Variants in ERC2 observed in about 807,000 individuals in gnomAD.
The protein encoded by ERC2 is ELKS/RAB6-interacting/CAST family member 2.
ERC2 carries 42 observed loss-of-function variants against 114.8 expected under a neutral mutation model. That is an observed-to-expected ratio of 0.37 (90% CI 0.29 to 0.47). The LOEUF is 0.47. ERC2 is among the 20% of genes least tolerant of loss of function. ERC2 has a pLI of 0.99. For synonymous variants in ERC2, 454 were observed against 425.5 expected (o/e 1.07, Z -0.82); for missense variants, 939 against 1,150.7 (o/e 0.82, Z 2.66).
chr3:56,369,019 C>T (rs1041961634), intron 2 of ERC2, among the ~76,000 whole-genome samples: 5 of 152,146 alleles, frequency 3.3e-5, no homozygotes, highest in Admixed American at 1.3e-4. Context: ...CTCTAGAAGT[C>T]GCCAGCTTTC....
At chr3:56,214,431 G>C (rs1196538638) in intron 3 of ERC2, among the ~76,000 whole-genome samples, 1 of 152,122 alleles carries the variant, frequency 6.6e-6, no homozygotes, top group East Asian at 1.9e-4. Context: ...AGCATGAAGA[G>C]AAGTTTAGAG....
intron 1 of ERC2, among the ~76,000 whole-genome samples, chr3:56,463,172 G>T (rs2063394488): frequency 6.6e-6 from 1 of 152,150 alleles, no homozygotes; most frequent in African/African-American, 2.4e-5. Flanking sequence ...AGGCTGCAGT[G>T]AGCTGAGATC....
chr3:56,039,510 T>C (rs2075003658), intron 7 of ERC2, among the ~76,000 whole-genome samples: 1 of 152,024 alleles, frequency 6.6e-6, no homozygotes, highest in South Asian at 2.1e-4. Context: ...CACAAATAAA[T>C]GGAAAGATAT....
At chr3:55,810,352 C>T (rs914532120) in intron 14 of ERC2, among the ~76,000 whole-genome samples, 4 of 152,286 alleles carry the variant, frequency 2.6e-5, no homozygotes, top group East Asian at 3.9e-4. Flanking sequence ...CCCCTCTTCT[C>T]TCCTCCAAGT....
intron 17 of ERC2, among the ~76,000 whole-genome samples, chr3:55,516,875 T>C (rs1016409761): frequency 1.3e-5 from 2 of 152,212 alleles, no homozygotes; most frequent in South Asian, 2.1e-4. Context: ...ACCAGCTCGA[T>C]AGCACTGAGG....
chr3:55,977,901 T>C (rs1202271953), intron 12 of ERC2, among the ~76,000 whole-genome samples: 4 of 152,094 alleles, frequency 2.6e-5, no homozygotes, highest in Admixed American at 6.5e-5. Context: ...GGTATAGATA[T>C]GGGAAGATCT....
chr3:55,741,255 T>C (rs187795479), intron 14 of ERC2, among the ~76,000 whole-genome samples: 3 of 152,136 alleles, frequency 2.0e-5, no homozygotes, highest in Admixed American at 2.0e-4. Flanking sequence ...ACCAAGAAAA[T>C]CACATTGAAA....
intron 12 of ERC2, among the ~76,000 whole-genome samples, chr3:55,963,022 T>C (rs959567147): frequency 6.6e-6 from 1 of 152,228 alleles, no homozygotes; most frequent in Admixed American, 6.5e-5. Context: ...TAGATACAGA[T>C]GAGGTCATTA....
chr3:56,068,883 T>G (rs1394276446), intron 7 of ERC2, among the ~76,000 whole-genome samples: 1 of 152,222 alleles, frequency 6.6e-6, no homozygotes, highest in African/African-American at 2.4e-5. Flanking sequence ...TAGTTCTAAT[T>G]TGGTTGCACT....
chr3:56,311,281 A>G (rs2056557410), intron 2 of ERC2, among the ~76,000 whole-genome samples: 1 of 131,038 alleles, frequency 7.6e-6, no homozygotes, highest in African/African-American at 2.9e-5. Flanking sequence ...ATATATATAT[A>G]TATATATATA....
chr3:56,067,158 T>A (rs566967745), intron 7 of ERC2, among the ~76,000 whole-genome samples: 1 of 152,348 alleles, frequency 6.6e-6, no homozygotes, highest in East Asian at 1.9e-4. Context: ...CATGGCCATT[T>A]TCACAATATT....
chr3:55,780,058 T>C (rs1274088372), intron 14 of ERC2, among the ~76,000 whole-genome samples: 1 of 152,186 alleles, frequency 6.6e-6, no homozygotes, highest in Non-Finnish European at 1.5e-5. Context: ...ATAAGGTCTA[T>C]CTCATCTGAA....
At position 56,424,272 on chromosome 3, in the gene ERC2, G is replaced by GA. The variant is rs113814336; in HGVS notation, c.657+10078dup. Among the ~76,000 whole-genome samples the GA allele has an allele frequency of 3.7e-3, 554 of 149,688 alleles. 4 individuals carry two copies. The highest frequency in any genetic ancestry group is 0.01 in the African/African-American group (409 of 40,478). On this transcript the variant is annotated intron_variant, in intron 2 of 17. Transcript: ENST00000288221. ...AATAATCTATTCATTGAAATACCCT[G>GA]ATTTTTTTTTTTTGGTGGCTTATGT...
At chr3:56,192,451 T>C (rs1041157016) in intron 3 of ERC2, among the ~76,000 whole-genome samples, 3 of 152,234 alleles carry the variant, frequency 2.0e-5, no homozygotes, top group Non-Finnish European at 2.9e-5. Flanking sequence ...TTCTACTCGA[T>C]AGTGTTCCAG....
At chr3:56,439,609 T>C (rs1014975494) in intron 1 of ERC2, among the ~76,000 whole-genome samples, 1 of 151,964 alleles carries the variant, frequency 6.6e-6, no homozygotes, top group East Asian at 1.9e-4. Flanking sequence ...TCCAGTCTTA[T>C]TGGCATTGCT....
chr3:55,675,894 CTTTTCTTTCTTTTTTTT>C (rs2061767965), intron 17 of ERC2, among the ~76,000 whole-genome samples: 14 of 70,504 alleles, frequency 2.0e-4, no homozygotes, highest in South Asian at 5.9e-4. Flanking sequence ...CTTTCTTTCT[CTTTTCTTTCTTTTTTTT>C]TTTTTTTTTT....
chr3:55,625,321 C>A (rs1325012578), intron 17 of ERC2, among the ~76,000 whole-genome samples: 1 of 139,734 alleles, frequency 7.2e-6, no homozygotes, highest in African/African-American at 2.7e-5. Flanking sequence ...GAGCCCAGAT[C>A]GGACCACTGC....
At chr3:55,984,407 G>C (rs1207413501) in intron 12 of ERC2, among the ~76,000 whole-genome samples, 1 of 152,146 alleles carries the variant, frequency 6.6e-6, no homozygotes, top group Admixed American at 6.5e-5. Context: ...GGGAGCAAAA[G>C]GGATCCCTGG....
At chr3:56,030,213 G>A (rs2074296602) in intron 7 of ERC2, among the ~76,000 whole-genome samples, 1 of 152,100 alleles carries the variant, frequency 6.6e-6, no homozygotes. Flanking sequence ...GGTGAGGTGT[G>A]TTCTGCAATG....
Sources: gnomAD v4.1 joint callset for allele counts (sites outside exome capture counted in the v4.1 genomes callset) on GRCh38, gnomAD v4.1.1 for gene constraint, MANE v1.5 for transcripts, NCBI Gene and HGNC (gene_info 2026-07-23, HGNC 2026-07-21) for gene names.